Variants in MTR observed in about 807,000 individuals in gnomAD.
MTR encodes methionine synthase.
MTR carries 84 observed loss-of-function variants against 154.8 expected under a neutral mutation model. That is an observed-to-expected ratio of 0.54 (90% CI 0.45 to 0.65). The LOEUF (loss-of-function observed/expected upper bound fraction) is 0.65. Among genes scored for constraint, MTR ranks in the 30% least tolerant of loss-of-function variants. MTR has a pLI of 0.00. For synonymous variants in MTR, 554 were observed against 553.9 expected (o/e 1.00, Z 0.00); for missense variants, 1,275 against 1,570.2 (o/e 0.81, Z 3.18).
intron 18 of MTR, among the ~76,000 whole-genome samples, chr1:236,858,530 T>TA (rs902902448): frequency 2.0e-5 from 3 of 152,136 alleles, no homozygotes; most frequent in Non-Finnish European, 4.4e-5. Flanking sequence ...ATAGGAAACT[T>TA]ACACAGAGAT....
intron 6 of MTR, among the ~76,000 whole-genome samples, chr1:236,814,385 T>C (rs1295839415): frequency 6.6e-6 from 1 of 152,190 alleles, no homozygotes; most frequent in Admixed American, 6.5e-5. Context: ...TAAGAGGGAT[T>C]AACAGGAGGG....
intron 30 of MTR, 51 bp from the exon 31 acceptor site, chr1:236,895,307 G>C: frequency 1.3e-6 from 2 of 1,549,144 alleles, no homozygotes; most frequent in Non-Finnish European, 1.8e-6. Flanking sequence ...CTGCACTGAT[G>C]CTGTGAGCCC....
intron 11 of MTR, among the ~76,000 whole-genome samples, chr1:236,827,201 C>T (rs944741262): frequency 1.3e-5 from 2 of 152,192 alleles, no homozygotes; most frequent in Non-Finnish European, 2.9e-5. Context: ...TAGCTATCTA[C>T]AAGACATGAA....
chr1:236,829,285 TG>T lies in MTR; in HGVS notation c.1075+19del, dbSNP rs781365282. ...TACTGTCTGGTGAGTCATAAAGACCTGGTATTCCTGATTGCAGAAACCATTT... is the reference window on the plus strand; with the variant it reads ...TACTGTCTGGTGAGTCATAAAGACCTGTATTCCTGATTGCAGAAACCATTT... On this transcript the variant is annotated intron_variant, in intron 12 of 32. Coordinates refer to ENST00000366577, the MANE Select transcript of MTR (RefSeq NM_000254.3). 1 of 1,596,486 alleles carries T rather than the reference TG, an allele frequency of 6.3e-7. No homozygotes were observed. Among genetic ancestry groups the T allele is most frequent in the Non-Finnish European group, 8.6e-7 (1 of 1,164,036 alleles).
At chr1:236,885,260 CTG>C (rs756021813) in intron 26 of MTR, 41 bp downstream of exon 26, 1 of 1,269,054 alleles carries the variant, frequency 7.9e-7, no homozygotes. Flanking sequence ...TTTAATGTGA[CTG>C]TTTTTTATGA....
chr1:236,806,770 A>C (rs1040068211), intron 3 of MTR, among the ~76,000 whole-genome samples: 13 of 151,924 alleles, frequency 8.6e-5, no homozygotes, highest in African/African-American at 2.7e-4. Context: ...GCCCCAGCAT[A>C]CTCTATTCTA....
chr1:236,816,380 A>G, intron 7 of MTR, 69 bp from the exon 8 acceptor site: 1 of 1,328,216 alleles, frequency 7.5e-7, no homozygotes, highest in South Asian at 1.2e-5. Flanking sequence ...TGTTCATTTT[A>G]TTTTGCCTTT....
chr1:236,824,511 G>A (rs1662168546), intron 9 of MTR, among the ~76,000 whole-genome samples: 1 of 152,154 alleles, frequency 6.6e-6, no homozygotes, highest in South Asian at 2.1e-4. Context: ...CCAGAAAGAT[G>A]GGTGTAAGGA....
In MTR at chr1:236,880,898, G is replaced by C. The variant is rs1237590363; in HGVS notation, c.2676+62G>C. 5 of 1,453,672 alleles carry C rather than the reference G, an allele frequency of 3.4e-6. No homozygotes were observed. In the South Asian group the frequency reaches 5.7e-5, roughly 17 times the overall value. The allele number at this position is 1,453,672 out of a possible 1,614,324, so 90.0% of individuals were successfully genotyped here. ...TGGAAAGCTTGCATTACAAGTAAGG[G>C]TTTAACTTAAGATCTATTCATTTTT... On this transcript the variant is annotated intron_variant, in intron 25 of 32. Coordinates refer to ENST00000366577, the MANE Select transcript of MTR (RefSeq NM_000254.3).
In MTR at chr1:236,895,477, T is replaced by C. The variant is rs2147954771; in HGVS notation, c.3525T>C (p.Pro1175=). 3.1e-6 allele frequency: 5 copies of C among 1,596,992 alleles called. No homozygotes were observed. In the East Asian group the frequency reaches 1.1e-4, roughly 36 times the overall value. Residue 1175 remains proline, a synonymous_variant, in exon 31 of 33, where the codon CCT becomes CCC. Coordinates refer to ENST00000366577, the MANE Select transcript of MTR (RefSeq NM_000254.3). ...RLRYKGIRPA[P]GYPSQPDHTE... is the part of the protein sequence containing the mutation. ...GGTACAAGGGCATCCGCCCGGCTCC[T>C]GGCTACCCCAGCCAGCCCGACCACA...
intron 14 of MTR, among the ~76,000 whole-genome samples, chr1:236,837,582 A>T (rs1662981371): frequency 6.6e-6 from 1 of 152,170 alleles, no homozygotes; most frequent in African/African-American, 2.4e-5. Flanking sequence ...TCACTTAATT[A>T]TTTATTGAAT....
In MTR at chr1:236,795,342, G is replaced by A; in HGVS notation, c.-362G>A. 1 of 1,318,896 alleles carries A rather than the reference G, an allele frequency of 7.6e-7. No homozygotes were observed. Among genetic ancestry groups the A allele is most frequent in the African/African-American group, 1.5e-5 (1 of 67,478 alleles). 81.7% of individuals were successfully genotyped at this position (1,318,896 alleles called of 1,614,324 possible). The stretch of plus-strand genomic sequence containing the variant: ...CTAAATGTCTGCGGGGCTCAGAGCC[G>A]GATGTCACGTCGTCCTCCTCTGCCG... On this transcript the variant is annotated 5_prime_UTR_variant, in exon 1 of 33. Coordinates refer to ENST00000366577, the MANE Select transcript of MTR (RefSeq NM_000254.3).
rs902094400 is a variant in MTR, at chr1:236,803,519, G to A, written c.126G>A (p.Gln42=). Residue 42 remains glutamine, a synonymous_variant, in exon 2 of 33, where the codon CAG becomes CAA. Transcript: ENST00000366577. The part of the protein sequence containing the change: ...VLDGGMGTMI[Q]REKLNEEHFR... ...ATGGAGGGATGGGGACCATGATCCA[G>A]CGGGAGAAGCTAAACGAAGAACACT... 8 of 1,614,078 alleles carry A rather than the reference G, an allele frequency of 5.0e-6. No individual in the cohort carries two copies. The African/African-American group carries it at 9.3e-5, about 19-fold the overall frequency.
At position 236,850,373 on chromosome 1, in the gene MTR, G is replaced by A. The variant is rs1166258420; in HGVS notation, c.1545G>A (p.Val515=). ...QATETDTKIR[V]CTRAYHLLVK... ...CAGAAACAGACACAAAAATCAGAGT[G>A]TGCACCCGGGCCTACCATCTGCTTG... Residue 515 remains valine, a synonymous_variant, in exon 16 of 33, where the codon GTG becomes GTA. Coordinates refer to ENST00000366577, the MANE Select transcript of MTR (RefSeq NM_000254.3). 3 of 1,613,294 alleles carry A rather than the reference G, an allele frequency of 1.9e-6. No homozygotes were observed. Among genetic ancestry groups the A allele is most frequent in the African/African-American group, 2.7e-5 (2 of 74,810 alleles).
chr1:236,889,981 C>A (rs559976637), intron 28 of MTR, among the ~76,000 whole-genome samples: 1 of 152,236 alleles, frequency 6.6e-6, no homozygotes, highest in Middle Eastern at 3.4e-3. Context: ...CTTCTCACTT[C>A]TAGCCTTACC....
chr1:236,859,748 T>G, intron 18 of MTR, 85 bp from the exon 19 acceptor site: 7 of 1,081,428 alleles, frequency 6.5e-6, no homozygotes, highest in Non-Finnish European at 1.0e-5. Context: ...AGACACAGGT[T>G]TTTTTGTTTG....
At position 236,835,577 on chromosome 1, in the gene MTR, G is replaced by A; in HGVS notation, c.1219G>A (p.Glu407Lys). 6.2e-7 allele frequency: 1 copy of A among 1,611,338 alleles called. No individual in the cohort carries two copies. Among genetic ancestry groups the A allele is most frequent in the Non-Finnish European group, 8.5e-7 (1 of 1,179,482 alleles). The change falls in exon 14 of 33, where the codon GAA (glutamate) becomes AAA (lysine). Residue 407 changes from glutamate (E) to lysine (K), a missense_variant. Transcript: ENST00000366577. Reference protein sequence around the residue: ...EALCVAKVQVEMGAQVLDVNM... With the variant: ...EALCVAKVQVKMGAQVLDVNM... ...CTTGTGTGTTGCCAAAGTGCAGGTG[G>A]AAATGGGAGCCCAGGTGTTGGATGT...
At chr1:236,884,220 C>A (rs1665900737) in intron 25 of MTR, among the ~76,000 whole-genome samples, 1 of 152,198 alleles carries the variant, frequency 6.6e-6, no homozygotes. Context: ...CCTCCAGACA[C>A]TGGGCTAGGC....
intron 3 of MTR, among the ~76,000 whole-genome samples, chr1:236,807,731 G>T (rs1302345953): frequency 3.9e-5 from 6 of 152,078 alleles, no homozygotes; most frequent in African/African-American, 1.4e-4. Flanking sequence ...TTTCAGGTAA[G>T]CAGTGTTTTC....
Sources: allele counts gnomAD v4.1 joint callset (sites outside exome capture counted in the v4.1 genomes callset), GRCh38; gene constraint gnomAD v4.1.1; transcripts MANE v1.5; gene names NCBI Gene and HGNC (gene_info 2026-07-23, HGNC 2026-07-21).